Variants in ATG7 observed in about 807,000 individuals in gnomAD.
ATG7 encodes ubiquitin-like modifier-activating enzyme ATG7.
ATG7 carries 70 observed loss-of-function variants against 82.4 expected under a neutral mutation model. The ratio of observed to expected loss-of-function variants is 0.85; its 90% CI spans 0.70 to 1.04. ATG7 has a LOEUF of 1.04. Ranked by LOEUF, ATG7 falls within the 50% of genes least tolerant of loss-of-function variation. The probability of loss-of-function intolerance (pLI) is 0.00; values close to 1 mark genes in which losing one functional copy is unlikely to be tolerated. For missense variants in ATG7, 792 were observed against 864.3 expected (o/e 0.92, Z 1.05); for synonymous variants, 287 against 313.0 (o/e 0.92, Z 0.88).
chr3:11,325,836 G>A (rs1950804414), intron 9 of ATG7, among the ~76,000 whole-genome samples: 1 of 152,136 alleles, frequency 6.6e-6, no homozygotes, highest in Admixed American at 6.5e-5. Flanking sequence ...TGTAGGAACG[G>A]CATTTTCTAG....
chr3:11,533,077 G>A (rs751106002), intron 20 of ATG7, among the ~76,000 whole-genome samples: 4 of 152,184 alleles, frequency 2.6e-5, no homozygotes, highest in South Asian at 2.1e-4. Flanking sequence ...AGAGCAGCCC[G>A]GAGGTGCGCT....
intron 20 of ATG7, among the ~76,000 whole-genome samples, chr3:11,525,290 C>T (rs2092547938): frequency 1.3e-5 from 2 of 151,336 alleles, no homozygotes; most frequent in South Asian, 4.1e-4. Flanking sequence ...CTTGACCTCC[C>T]AAAGTGCTAG....
intron 18 of ATG7, among the ~76,000 whole-genome samples, chr3:11,372,595 GC>G (rs2077075733): frequency 6.6e-6 from 1 of 150,870 alleles, no homozygotes; most frequent in African/African-American, 2.4e-5. Context: ...GCTCCTTTGT[GC>G]CTTCTCCCAG....
chr3:11,427,599 C>T (rs1310547574), intron 20 of ATG7, among the ~76,000 whole-genome samples: 5 of 151,012 alleles, frequency 3.3e-5, no homozygotes, highest in African/African-American at 1.2e-4. Flanking sequence ...GGGTGGGTCA[C>T]AAGGTCAGGA....
the ATG7 span, chr3:11,568,922 A>T: frequency 1.6e-6 from 2 of 1,261,142 alleles, no homozygotes; most frequent in Non-Finnish European, 2.0e-6. The surrounding 1 kb of genome is among the most constrained non-coding windows in gnomAD (Gnocchi z 5.9). Flanking sequence ...CTAGGCGGGC[A>T]CTTCCACTGC....
chr3:11,570,579 A>C, the ATG7 span, among the ~76,000 whole-genome samples: 1 of 152,326 alleles, frequency 6.6e-6, no homozygotes, highest in Non-Finnish European at 1.5e-5. Context: ...AGAGTAAATA[A>C]ATCATTAAGG....
At chr3:11,356,456 C>A (rs1575663969) in intron 14 of ATG7, among the ~76,000 whole-genome samples, 3 of 152,266 alleles carry the variant, frequency 2.0e-5, no homozygotes, top group Non-Finnish European at 2.9e-5. Context: ...AAGTAGAAAA[C>A]CACTGTGTTG....
intron 12 of ATG7, 30 bp from the exon 13 acceptor site, chr3:11,342,105 G>A: frequency 6.3e-7 from 1 of 1,594,748 alleles, no homozygotes; most frequent in Non-Finnish European, 8.5e-7. Context: ...ATAAAGGAGT[G>A]ACTGAATAAG....
intron 13 of ATG7, among the ~76,000 whole-genome samples, chr3:11,342,588 C>T (rs553856741): frequency 6.6e-6 from 1 of 152,060 alleles, no homozygotes; most frequent in African/African-American, 2.4e-5. Context: ...AGTATCTTTG[C>T]TGATATTTAT....
At chr3:11,537,640 A>G (rs2070433605) in intron 20 of ATG7, among the ~76,000 whole-genome samples, 1 of 152,208 alleles carries the variant, frequency 6.6e-6, no homozygotes, top group Non-Finnish European at 1.5e-5. Context: ...CTCCTCAGTC[A>G]ATCCCAAGAG....
chr3:11,362,279 C>T (rs2076333450), intron 16 of ATG7, among the ~76,000 whole-genome samples: 1 of 152,012 alleles, frequency 6.6e-6, no homozygotes, highest in Non-Finnish European at 1.5e-5. Flanking sequence ...AAAAAAAATA[C>T]TTGTAGTAAA....
intron 20 of ATG7, among the ~76,000 whole-genome samples, chr3:11,547,933 C>T (rs2071428395): frequency 6.6e-6 from 1 of 152,168 alleles, no homozygotes; most frequent in Non-Finnish European, 1.5e-5. Flanking sequence ...CCTTGACCTC[C>T]TGGGCTCAAG....
intron 19 of ATG7, among the ~76,000 whole-genome samples, chr3:11,382,302 AGCAC>A (rs930806110): frequency 5.1e-4 from 77 of 152,246 alleles, no homozygotes; most frequent in African/African-American, 1.8e-3. Flanking sequence ...AGAGAGTGCG[AGCAC>A]GCACGCACGC....
At chr3:11,559,668 G>C (rs1438582988), downstream of ATG7, among the ~76,000 whole-genome samples, 2 of 151,884 alleles carry the variant, frequency 1.3e-5, no homozygotes, top group Non-Finnish European at 2.9e-5. Flanking sequence ...CCTTGGTCGT[G>C]GCTGTTTGGA....
chr3:11,547,492 A>C (rs2071395886), intron 20 of ATG7, among the ~76,000 whole-genome samples: 1 of 152,152 alleles, frequency 6.6e-6, no homozygotes, highest in South Asian at 2.1e-4. Flanking sequence ...TTTGTGTACA[A>C]GTTTTTATGT....
chr3:11,366,218 CAAAAAAAAAA>C (rs1296231136), intron 18 of ATG7, among the ~76,000 whole-genome samples: 1 of 60,648 alleles, frequency 1.6e-5, no homozygotes, highest in African/African-American at 5.4e-5. Flanking sequence ...GACTCCATCT[CAAAAAAAAAA>C]AAAAAAAAAA....
At chr3:11,524,077 A>G (rs895199815) in intron 20 of ATG7, among the ~76,000 whole-genome samples, 2 of 152,184 alleles carry the variant, frequency 1.3e-5, no homozygotes, top group African/African-American at 4.8e-5. Context: ...AGACAAAACA[A>G]TTTTTTAAAG....
intron 16 of ATG7, among the ~76,000 whole-genome samples, 167 bp downstream of exon 16, chr3:11,360,951 G>A (rs2076243085): frequency 6.6e-6 from 1 of 152,136 alleles, no homozygotes; most frequent in South Asian, 2.1e-4. Context: ...AACCTTGACT[G>A]GCGTCATCAA....
chr3:11,497,616 T>C (rs1297400768), intron 20 of ATG7, among the ~76,000 whole-genome samples: 2 of 151,440 alleles, frequency 1.3e-5, no homozygotes, highest in Admixed American at 6.6e-5. Context: ...TTGGATGTTA[T>C]TCTATCTTAA....
Sources: allele counts gnomAD v4.1 joint callset (sites outside exome capture counted in the v4.1 genomes callset), GRCh38; gene constraint gnomAD v4.1.1; non-coding constraint Gnocchi (gnomAD v3.1); transcripts MANE v1.5; gene names NCBI Gene and HGNC (gene_info 2026-07-23, HGNC 2026-07-21).